Variants in TRAF2 observed in about 807,000 individuals in gnomAD.
TRAF2 encodes TNF receptor associated factor 2.
A neutral mutation model predicts 55.6 loss-of-function variants in TRAF2; 6 were observed. That is an observed-to-expected ratio of 0.11 (90% CI 0.06 to 0.21). The LOEUF (loss-of-function observed/expected upper bound fraction) is 0.21, where lower values mean the gene tolerates loss of function less well. TRAF2 is among the 10% of genes least tolerant of loss of function. TRAF2 has a pLI of 1.00. For synonymous variants in TRAF2, 329 were observed against 276.3 expected (o/e 1.19, Z -1.89); for missense variants, 561 against 684.5 (o/e 0.82, Z 2.01).
At chr9:136,904,186 A>G (rs1282167917) in intron 4 of TRAF2, among the ~76,000 whole-genome samples, 1 of 152,124 alleles carries the variant, frequency 6.6e-6, no homozygotes, top group Non-Finnish European at 1.5e-5. Context: ...ATGTCATATC[A>G]TTTCACCTAT....
chr9:136,895,475 C>G (rs1849660891), intron 1 of TRAF2, among the ~76,000 whole-genome samples: 1 of 152,212 alleles, frequency 6.6e-6, no homozygotes, highest in African/African-American at 2.4e-5. Flanking sequence ...AGCAAGGCCC[C>G]CATCTTGGGG....
intron 6 of TRAF2, among the ~76,000 whole-genome samples, chr9:136,912,818 CAG>C (rs1850148643): frequency 2.0e-5 from 3 of 152,130 alleles, no homozygotes; most frequent in African/African-American, 4.8e-5. Context: ...GCCTGGGTGA[CAG>C]AGTGAGAGCC....
In TRAF2 at chr9:136,906,996, C is replaced by A. The variant is rs537664248; in HGVS notation, c.367-1074C>A. ...CATCCCGTCACCTTGCTGTCCTGAC[C>A]CCTCACATTCGGGCAGAGCCCTCAA... On this transcript the variant is annotated intron_variant, in intron 4 of 10. Transcript: ENST00000247668. Among the ~76,000 whole-genome samples, 4 of 152,270 alleles carry A rather than the reference C, an allele frequency of 2.6e-5. No individual in the cohort carries two copies. The East Asian group carries it at 7.7e-4, about 29-fold the overall frequency.
At chr9:136,914,491 A>C (rs767242046) in intron 6 of TRAF2, among the ~76,000 whole-genome samples, 3 of 152,128 alleles carry the variant, frequency 2.0e-5, no homozygotes, top group Non-Finnish European at 2.9e-5. Context: ...TCCTGCCTCC[A>C]CTTCTTCCCG....
At chr9:136,900,169 TAAAA>T (rs758259445) in intron 3 of TRAF2, among the ~76,000 whole-genome samples, 3 of 106,756 alleles carry the variant, frequency 2.8e-5, no homozygotes, top group African/African-American at 4.6e-5. Context: ...ACCCCTCCTT[TAAAA>T]AAAAAAAAAG....
intron 9 of TRAF2, 136 bp downstream of exon 9, chr9:136,921,351 C>T: frequency 8.7e-7 from 1 of 1,149,636 alleles, no homozygotes; most frequent in Non-Finnish European, 1.2e-6. Context: ...GGAGCAGCTA[C>T]ACCTCCCTGA....
At chr9:136,920,539 C>G (rs762013145) in intron 8 of TRAF2, 24 bp downstream of exon 8, 1 of 1,593,200 alleles carries the variant, frequency 6.3e-7, no homozygotes, top group African/African-American at 1.3e-5. Context: ...GGGTGGCCAG[C>G]CATGAGGAGG....
At chr9:136,890,713 A>G (rs1849564375) in intron 1 of TRAF2, among the ~76,000 whole-genome samples, 1 of 152,268 alleles carries the variant, frequency 6.6e-6, no homozygotes, top group Non-Finnish European at 1.5e-5. Flanking sequence ...AGGAATCTCT[A>G]AGCACAAAGA....
chr9:136,896,161 CAG>C (rs1249250361), intron 1 of TRAF2, among the ~76,000 whole-genome samples: 3 of 152,194 alleles, frequency 2.0e-5, no homozygotes, highest in Admixed American at 6.6e-5. Context: ...GCTTCCCTGC[CAG>C]AGAGATGACC....
Position 136,898,864 on chromosome 9 carries a change from C to T in TRAF2, c.124C>T (p.Arg42Cys), listed in dbSNP as rs1030210789. ...YLCSACRNVL[R>C]RPFQAQCGHR... ...GTGCTCCGCCTGCAGAAACGTCCTC[C>T]GCAGGCCCTTCCAGGCGCAGTGTGG... The change falls in exon 2 of 11, where the codon CGC (arginine) becomes TGC (cysteine). Residue 42 changes from arginine to cysteine, a missense_variant. Arg to Cys is a radical substitution (Grantham distance 180, BLOSUM62 -3). Around this residue, in one of 2 missense-constraint regions of TRAF2, gnomAD observed 426 missense variants for 476.8 expected, o/e 0.89. Transcript: ENST00000247668. The T allele has an allele frequency of 1.2e-6, 2 of 1,613,482 alleles. No homozygotes were observed. Among genetic ancestry groups the T allele is most frequent in the Non-Finnish European group, 8.5e-7 (1 of 1,179,958 alleles).
chr9:136,908,532 C>T (rs1377993899), intron 5 of TRAF2, among the ~76,000 whole-genome samples: 1 of 151,874 alleles, frequency 6.6e-6, no homozygotes, highest in Non-Finnish European at 1.5e-5. Context: ...ACCAGCCTGG[C>T]CAACATGGTG....
At chr9:136,889,422 T>A (rs1285462898) in intron 1 of TRAF2, 2 of 152,212 alleles carry the variant, frequency 1.3e-5, no homozygotes, top group East Asian at 3.9e-4. Context: ...TAGGTGGGAT[T>A]ACAGGCACCC....
Position 136,899,733 on chromosome 9 carries a change from A to G in TRAF2, c.267+61A>G, listed in dbSNP as rs530407045. On this transcript the variant is annotated intron_variant, in intron 3 of 10. Coordinates refer to ENST00000247668, the MANE Select transcript of TRAF2 (RefSeq NM_021138.4). ...AGAAAATGTCTTAATTTCCTTTACA[A>G]CATGGGTGGGGCTGGGCACAGTGGC... 649 of 1,527,242 alleles carry G rather than the reference A, an allele frequency of 4.2e-4. 7 individuals are homozygous for G. In the South Asian group the frequency reaches 6.9e-3, roughly 16 times the overall value. The allele number at this position is 1,527,242 out of a possible 1,614,324, so 94.6% of individuals were successfully genotyped here.
chr9:136,888,822 T>C lies in TRAF2; in HGVS notation c.-29+2281T>C, dbSNP rs1395199275. 2.6e-5 allele frequency among the ~76,000 whole-genome samples: 4 copies of C among 152,288 alleles called. No homozygotes were observed. The East Asian group carries it at 7.7e-4, about 29-fold the overall frequency. The stretch of plus-strand genomic sequence containing the variant: ...GATTTCTTGTGGGGGTGTCCCATTG[T>C]GAAGGGAACACACAGCTCGGCCCTA... On this transcript the variant is annotated intron_variant, in intron 1 of 10. Coordinates refer to ENST00000247668, the MANE Select transcript of TRAF2 (RefSeq NM_021138.4).
At chr9:136,884,025 A>G (rs563416169), upstream of TRAF2, among the ~76,000 whole-genome samples, 543 of 151,436 alleles carry the variant, frequency 3.6e-3, 1 homozygote, top group Non-Finnish European at 6.3e-3. Flanking sequence ...GGGTTTCAAC[A>G]TGTTGGCCAG....
intron 6 of TRAF2, among the ~76,000 whole-genome samples, chr9:136,915,179 CAA>C (rs1047176170): frequency 6.6e-6 from 1 of 151,632 alleles, no homozygotes; most frequent in East Asian, 1.9e-4. Flanking sequence ...AACTCCGTCT[CAA>C]AAAAAAGTTT....
chr9:136,903,344 A>G (rs1269791840), intron 4 of TRAF2, among the ~76,000 whole-genome samples: 1 of 152,010 alleles, frequency 6.6e-6, no homozygotes, highest in Non-Finnish European at 1.5e-5. Flanking sequence ...CCCCTGAGCT[A>G]CTCGTTCTGG....
chr9:136,920,842 C>T (rs1003057611), intron 8 of TRAF2, among the ~76,000 whole-genome samples, 196 bp from the exon 9 acceptor site: 1 of 152,158 alleles, frequency 6.6e-6, no homozygotes, highest in Non-Finnish European at 1.5e-5. Flanking sequence ...TGGCCCGGAG[C>T]TTCTGTGTGG....
intron 10 of TRAF2, among the ~76,000 whole-genome samples, chr9:136,924,872 G>A (rs1564423840): frequency 6.6e-6 from 1 of 152,054 alleles, no homozygotes. Context: ...CTGAGTAGCT[G>A]GGACTACAGG....
Sources: gnomAD v4.1 joint callset for allele counts (sites outside exome capture counted in the v4.1 genomes callset) on GRCh38, gnomAD v4.1.1 for gene constraint, gnomAD v4.1.1 regional missense constraint, MANE v1.5 for transcripts, NCBI Gene and HGNC (gene_info 2026-07-23, HGNC 2026-07-21) for gene names.